Variants in CNOT6L observed in about 807,000 individuals in gnomAD.
CNOT6L encodes CCR4-NOT transcription complex subunit 6-like.
Under a neutral mutation model 64.0 loss-of-function variants are expected in CNOT6L, and 7 were observed. That is an observed-to-expected ratio of 0.11 (90% confidence interval 0.06 to 0.21). The LOEUF is 0.21. Ranked by LOEUF, CNOT6L falls within the 10% of genes least tolerant of loss-of-function variation. CNOT6L has a pLI of 1.00. For synonymous variants in CNOT6L, 193 were observed against 243.4 expected (o/e 0.79, Z 1.93); for missense variants, 245 against 669.0 (o/e 0.37, Z 6.99).
At chr4:77,794,480 G>A (rs1011906024) in intron 1 of CNOT6L, among the ~76,000 whole-genome samples, 4 of 151,956 alleles carry the variant, frequency 2.6e-5, no homozygotes, top group African/African-American at 4.8e-5. Flanking sequence ...TTGATTTAAC[G>A]TTCAAAATAA....
At chr4:77,803,772 ACATG>A (rs1731892254) in intron 1 of CNOT6L, among the ~76,000 whole-genome samples, 1 of 152,090 alleles carries the variant, frequency 6.6e-6, no homozygotes, top group African/African-American at 2.4e-5. Context: ...GTGTGGTGGC[ACATG>A]CCAGTAATCC....
intron 1 of CNOT6L, among the ~76,000 whole-genome samples, chr4:77,777,024 G>C (rs1164161488): frequency 6.6e-6 from 1 of 152,174 alleles, no homozygotes; most frequent in Non-Finnish European, 1.5e-5. Flanking sequence ...GGTCCTCACT[G>C]AATGACACCT....
chr4:77,738,492 G>A (rs1723210353), intron 8 of CNOT6L, among the ~76,000 whole-genome samples: 2 of 152,054 alleles, frequency 1.3e-5, no homozygotes, highest in South Asian at 2.1e-4. Context: ...GGTTGCTCAC[G>A]CCTGTAATCC....
intron 11 of CNOT6L, among the ~76,000 whole-genome samples, chr4:77,725,473 C>A (rs573412743): frequency 2.0e-5 from 3 of 152,266 alleles, no homozygotes; most frequent in African/African-American, 7.2e-5. Context: ...AAAACTAGCA[C>A]TGGGAAAGAG....
intron 4 of CNOT6L, among the ~76,000 whole-genome samples, chr4:77,764,464 C>T (rs1469676611): frequency 2.0e-5 from 3 of 152,140 alleles, no homozygotes. Context: ...TCTTGGCTCT[C>T]TGCCTATGGA....
chr4:77,726,352 T>G lies in CNOT6L; in HGVS notation c.1270A>C (p.Ser424Arg). 6.2e-7 allele frequency: 1 copy of G among 1,612,820 alleles called. No individual in the cohort carries two copies. Among genetic ancestry groups the G allele is most frequent in the Non-Finnish European group, 8.5e-7 (1 of 1,179,032 alleles). Reference protein sequence around the residue: ...LPDSGVVEYLSNGGVADNHKD... With the variant: ...LPDSGVVEYLRNGGVADNHKD... ...TGGTTGTCAGCTACTCCTCCATTGC[T>G]TAAGTATTCCACAACACCTGGTAGA... The change falls in exon 11 of 12, where the codon AGC becomes CGC. Residue 424 changes from serine to arginine, a missense_variant. Physicochemically the swap from Ser to Arg is moderately radical, Grantham distance 110 (BLOSUM62 -1). This residue lies in a region of CNOT6L where 20 missense variants were observed against 38.3 expected (regional missense o/e 0.52). Transcript: ENST00000504123.
Position 77,814,813 on chromosome 4 carries a change from A to C in CNOT6L, c.5+4491T>G, listed in dbSNP as rs72866680. On this transcript the variant is annotated intron_variant, in intron 1 of 11. Transcript: ENST00000504123. ...GAGCTGAAGTTTCACATTATAATAAACCTGCACAATCATAGAATAAATTGT... is the reference window on the plus strand; with the variant it reads ...GAGCTGAAGTTTCACATTATAATAACCCTGCACAATCATAGAATAAATTGT... 1.8e-3 allele frequency among the ~76,000 whole-genome samples: 269 copies of C among 152,330 alleles called. 2 individuals carry two copies. The highest frequency in any genetic ancestry group is 5.4e-3 in the African/African-American group (224 of 41,582).
rs1560565995 is a variant in CNOT6L at position 77,717,029 on chromosome 4, A to G, written c.*3402T>C. 1 of 152,558 alleles carries G rather than the reference A, an allele frequency of 6.6e-6. No individual in the cohort carries two copies. 9.5% of individuals were successfully genotyped at this position (152,558 alleles called of 1,614,324 possible). On this transcript the variant is annotated 3_prime_UTR_variant, in exon 12 of 12. Transcript: ENST00000504123. ...CAAAAATATTCAGCTATGTTATTAT[A>G]CAAAATTTTTTTTACATAAAACATC...
In CNOT6L at chr4:77,769,604, A is replaced by G. The variant is rs186960697; in HGVS notation, c.400+3477T>C. Among the ~76,000 whole-genome samples, 248 of 152,268 alleles carry G rather than the reference A, an allele frequency of 1.6e-3. 1 individual carries two copies. Among genetic ancestry groups the G allele is most frequent in the African/African-American group, 5.6e-3 (231 of 41,558 alleles). On this transcript the variant is annotated intron_variant, in intron 4 of 11. Coordinates refer to ENST00000504123, the MANE Select transcript of CNOT6L (RefSeq NM_144571.3). ...CACAAAAATAAGTATTTTGCCTCCTATATAAATGAAAATTATATTTCCCAG... is the reference window on the plus strand; with the variant it reads ...CACAAAAATAAGTATTTTGCCTCCTGTATAAATGAAAATTATATTTCCCAG...
chr4:77,754,352 A>G (rs1203711788), intron 5 of CNOT6L, among the ~76,000 whole-genome samples: 2 of 152,196 alleles, frequency 1.3e-5, no homozygotes, highest in Non-Finnish European at 2.9e-5. Flanking sequence ...AGAAGTTAGT[A>G]TTTAGAATAA....
rs2109940667 is a variant in CNOT6L, at chr4:77,742,143, T to C, written c.870A>G (p.Glu290=). ...TGTGCTTTGTTTCCTTAACTTACTT[T>C]TCTGTTTTGAAGAATATTGCACAAC... ...VDGCAIFFKT[E]KFTLVQKHTV... The change falls in exon 8 of 12, where the codon GAA becomes GAG. Residue 290 remains glutamate, a splice_region_variant and synonymous_variant. Coordinates refer to ENST00000504123, the MANE Select transcript of CNOT6L (RefSeq NM_144571.3). The C allele has an allele frequency of 6.2e-7, 1 of 1,612,224 alleles. No homozygotes were observed. Among genetic ancestry groups the C allele is most frequent in the East Asian group, 2.2e-5 (1 of 44,828 alleles).
chr4:77,760,860 C>CTTTTGTTTTTTTT (rs1726135183), intron 4 of CNOT6L, among the ~76,000 whole-genome samples: 1 of 29,978 alleles, frequency 3.3e-5, no homozygotes, highest in Admixed American at 6.5e-4. Context: ...CCATGCCTGG[C>CTTTTGTTTTTTTT]TTTTTTTTTT....
upstream of CNOT6L, chr4:77,819,400 C>T: frequency 6.2e-7 from 1 of 1,605,992 alleles, no homozygotes; most frequent in African/African-American, 1.3e-5. Flanking sequence ...CACCAGGCCC[C>T]CACAGATGCT....
chr4:77,756,812 G>A, intron 5 of CNOT6L, 50 bp downstream of exon 5: 1 of 1,160,756 alleles, frequency 8.6e-7, no homozygotes, highest in Non-Finnish European at 1.3e-6. Flanking sequence ...ATATTAGCTA[G>A]TTCATAATAT....
intron 8 of CNOT6L, among the ~76,000 whole-genome samples, chr4:77,738,045 C>T (rs1723173589): frequency 6.6e-6 from 1 of 151,884 alleles, no homozygotes; most frequent in Admixed American, 6.6e-5. Context: ...CTCTGAAAAC[C>T]CTCCTTCCAA....
chr4:77,803,479 A>T (rs1049409046), intron 1 of CNOT6L, among the ~76,000 whole-genome samples: 2 of 152,334 alleles, frequency 1.3e-5, no homozygotes, highest in Admixed American at 6.5e-5. Context: ...AAAAGTGTGC[A>T]AAAGGTGTTT....
At chr4:77,774,779 A>C (rs947070126) in intron 2 of CNOT6L, 63 bp from the exon 3 acceptor site, 6 of 1,047,010 alleles carry the variant, frequency 5.7e-6, no homozygotes, top group Non-Finnish European at 8.0e-6. Flanking sequence ...CCTAAACTAC[A>C]ACGACTGAAA....
chr4:77,728,560 T>C (rs1421515530), intron 10 of CNOT6L, among the ~76,000 whole-genome samples: 1 of 152,202 alleles, frequency 6.6e-6, no homozygotes, highest in East Asian at 1.9e-4. Flanking sequence ...CAAGTTCTAA[T>C]GACAGACAGC....
At chr4:77,759,565 CA>C (rs1271562887) in intron 4 of CNOT6L, among the ~76,000 whole-genome samples, 10 of 128,094 alleles carry the variant, frequency 7.8e-5, no homozygotes, top group African/African-American at 2.4e-4. Context: ...ACTCCGTCTC[CA>C]AAAAAGAAGA....
Sources: gnomAD v4.1 joint callset for allele counts (sites outside exome capture counted in the v4.1 genomes callset) on GRCh38, gnomAD v4.1.1 for gene constraint, gnomAD v4.1.1 regional missense constraint, MANE v1.5 for transcripts, NCBI Gene and HGNC (gene_info 2026-07-23, HGNC 2026-07-21) for gene names.